The following TENM1 variants were observed in gnomAD, a reference collection of about 807,000 sequenced individuals.
TENM1 encodes teneurin-1.
A neutral mutation model predicts 174.8 loss-of-function variants in TENM1; 35 were observed. The observed-to-expected ratio is 0.20, with a 90% CI of 0.15 to 0.27. The LOEUF (loss-of-function observed/expected upper bound fraction) is 0.27. TENM1 is among the 10% of genes least tolerant of loss of function. The pLI, the probability that TENM1 is intolerant of heterozygous loss-of-function variation, is 1.00. For missense variants in TENM1, 1,633 were observed against 2,130.1 expected (o/e 0.77, Z 4.59); for synonymous variants, 781 against 798.7 (o/e 0.98, Z 0.37).
At chrX:124,543,113 T>C (rs2048356698) in intron 15 of TENM1, among the ~76,000 whole-genome samples, 2 of 112,139 alleles carry the variant, frequency 1.8e-5, no homozygotes, top group Non-Finnish European at 3.8e-5. Flanking sequence ...AAGTGAGTGG[T>C]GAGCTAGAAA....
intron 17 of TENM1, among the ~76,000 whole-genome samples, chrX:124,521,473 G>A (rs947879380): frequency 8.9e-6 from 1 of 112,197 alleles, no homozygotes; most frequent in Non-Finnish European, 1.9e-5. Context: ...ACTTGTGACT[G>A]AGAAGCAAAT....
At chrX:124,650,133 C>T (rs555767086) in intron 8 of TENM1, among the ~76,000 whole-genome samples, 6 of 91,263 alleles carry the variant, frequency 6.6e-5, no homozygotes, top group South Asian at 6.2e-4. Context: ...ACCCAGGAGG[C>T]GAAGGTTGCA....
At position 124,521,383 on chromosome X, in the gene TENM1, A is replaced by G. The variant is rs188471582; in HGVS notation, c.3034-599T>C. ...GAGCTTTGAAATGACCCTGAGGCCA[A>G]ATTTTTAATCAAATTTTTCTTACAT... On this transcript the variant is annotated intron_variant, in intron 17 of 31. Transcript: ENST00000422452. Among the ~76,000 whole-genome samples, 90 of 111,869 alleles carry G rather than the reference A, an allele frequency of 8.0e-4. 1 individual carries two copies. The East Asian group carries it at 0.024, about 30-fold the overall frequency.
intron 8 of TENM1, among the ~76,000 whole-genome samples, chrX:124,648,618 A>G (rs1188375872): frequency 8.9e-6 from 1 of 112,393 alleles, no homozygotes; most frequent in Non-Finnish European, 1.9e-5. Flanking sequence ...GAGACTTTTT[A>G]TCATTCAGAG....
intron 8 of TENM1, among the ~76,000 whole-genome samples, chrX:124,649,635 C>G (rs775322304): frequency 1.8e-5 from 2 of 112,064 alleles, no homozygotes; most frequent in African/African-American, 3.2e-5. Context: ...TTAAGGGATA[C>G]TGACAATGCT....
At chrX:124,776,049 C>T (rs1181771813) in intron 3 of TENM1, among the ~76,000 whole-genome samples, 2 of 111,667 alleles carry the variant, frequency 1.8e-5, no homozygotes, top group Admixed American at 9.5e-5. Flanking sequence ...GTTACTTGTA[C>T]CAGGAATAAA....
chrX:125,036,165 A>G, the TENM1 span, among the ~76,000 whole-genome samples: 1 of 111,755 alleles, frequency 8.9e-6, no homozygotes, highest in African/African-American at 3.2e-5. Context: ...TCATTGCAAC[A>G]TTATGTGGCA....
At chrX:124,966,230 G>T (rs1186669976), upstream of TENM1, among the ~76,000 whole-genome samples, 15 of 111,517 alleles carry the variant, frequency 1.3e-4, no homozygotes, top group Admixed American at 1.4e-3. Flanking sequence ...ACCGCAGCCA[G>T]AATAAAACTA....
chrX:124,515,661 G>C (rs890466712), intron 18 of TENM1, among the ~76,000 whole-genome samples: 1 of 110,216 alleles, frequency 9.1e-6, no homozygotes, highest in African/African-American at 3.3e-5. Context: ...CTCTCAAAGA[G>C]AATTACAAAA....
At chrX:125,029,693 G>A in the TENM1 span, among the ~76,000 whole-genome samples, 5 of 111,935 alleles carry the variant, frequency 4.5e-5, no homozygotes, top group Non-Finnish European at 7.5e-5. Flanking sequence ...CAGAGAACCA[G>A]TAGTCTCCCC....
At chrX:124,982,505 G>A in the TENM1 span, among the ~76,000 whole-genome samples, 1 of 111,238 alleles carries the variant, frequency 9.0e-6, no homozygotes, top group South Asian at 3.8e-4. Context: ...GGGCACCATG[G>A]GGTATTTGAA....
intron 1 of TENM1, among the ~76,000 whole-genome samples, chrX:124,899,085 A>G (rs1310978235): frequency 2.7e-5 from 3 of 111,797 alleles, no homozygotes; most frequent in Non-Finnish European, 5.7e-5. Context: ...ACCATTGTAA[A>G]ATATTTTCCT....
intron 22 of TENM1, among the ~76,000 whole-genome samples, chrX:124,468,878 A>G: frequency 8.9e-6 from 1 of 112,413 alleles, no homozygotes; most frequent in Middle Eastern, 4.6e-3. Context: ...ATTTTTGACT[A>G]TTAATGGTTT....
At chrX:124,462,209 G>A (rs1199393713) in intron 22 of TENM1, among the ~76,000 whole-genome samples, 2 of 109,604 alleles carry the variant, frequency 1.8e-5, no homozygotes, top group African/African-American at 6.7e-5. Context: ...TTTCTGTATG[G>A]ATTACTACCT....
At chrX:125,152,597 CTAAA>C in the TENM1 span, among the ~76,000 whole-genome samples, 1 of 111,776 alleles carries the variant, frequency 8.9e-6, no homozygotes, top group Non-Finnish European at 1.9e-5. Flanking sequence ...CCAGATTTTC[CTAAA>C]TAGTTTCTGC....
At chrX:125,084,634 A>G in the TENM1 span, among the ~76,000 whole-genome samples, 1 of 110,833 alleles carries the variant, frequency 9.0e-6, no homozygotes, top group East Asian at 2.8e-4. Context: ...AACTAAGGAG[A>G]GAGGTTACAT....
At chrX:124,818,414 G>C (rs1306755038) in intron 3 of TENM1, among the ~76,000 whole-genome samples, 1 of 111,899 alleles carries the variant, frequency 8.9e-6, no homozygotes, top group Non-Finnish European at 1.9e-5. Context: ...TAAATGTGAG[G>C]CGGTAATGCG....
the TENM1 span, among the ~76,000 whole-genome samples, chrX:125,015,175 A>C: frequency 1.8e-5 from 2 of 111,625 alleles, no homozygotes; most frequent in South Asian, 7.5e-4. Flanking sequence ...TTGGGTGTTT[A>C]GGCATGACAA....
At chrX:125,032,569 C>T in the TENM1 span, among the ~76,000 whole-genome samples, 1 of 111,359 alleles carries the variant, frequency 9.0e-6, no homozygotes, top group African/African-American at 3.3e-5. Flanking sequence ...ATTATAGGAT[C>T]AAGTTCAGCT....
Sources: gnomAD v4.1 joint callset for allele counts (sites outside exome capture counted in the v4.1 genomes callset) on GRCh38, gnomAD v4.1.1 for gene constraint, MANE v1.5 for transcripts, NCBI Gene and HGNC (gene_info 2026-07-23, HGNC 2026-07-21) for gene names.